The following EMP2 variants were observed in gnomAD, a reference collection of about 807,000 sequenced individuals.
EMP2 encodes epithelial membrane protein 2.
In EMP2, 19 loss-of-function variants were observed where a neutral mutation model predicts 13.7. That is an observed-to-expected ratio of 1.38 (90% confidence interval 0.97 to 2.03). The LOEUF is 2.03. Ranked by LOEUF, EMP2 falls within the 30% of genes most tolerant of loss-of-function variation. The pLI, the probability that EMP2 is intolerant of heterozygous loss-of-function variation, is 0.00. For missense variants in EMP2, 253 were observed against 220.7 expected, an observed-to-expected ratio of 1.15 and a Z score of -0.93; for synonymous variants, 97 against 84.7, an observed-to-expected ratio of 1.15 and a Z score of -0.80.
intron 1 of EMP2, among the ~76,000 whole-genome samples, chr16:10,552,667 G>A (rs1174146783): frequency 2.6e-5 from 4 of 152,150 alleles, no homozygotes; most frequent in South Asian, 2.1e-4. Flanking sequence ...GAAACACCAC[G>A]TATAGCAGTG....
chr16:10,553,549 G>A (rs897419491), intron 1 of EMP2, among the ~76,000 whole-genome samples: 1 of 151,922 alleles, frequency 6.6e-6, no homozygotes, highest in Non-Finnish European at 1.5e-5. Flanking sequence ...TTGGCTGGAG[G>A]GGCCGAAGGC....
Position 10,529,239 on chromosome 16 carries a change from A to G in EMP2, c.*3666T>C, listed in dbSNP as rs374863304. On this transcript the variant is annotated 3_prime_UTR_variant, in exon 5 of 5. Coordinates refer to ENST00000359543, the MANE Select transcript of EMP2 (RefSeq NM_001424.6). ...AGTTGATGCTATCTTTGGTCCTAATATGTGCTTCTTGGATGTCTACTAATT... is the reference window on the plus strand; with the variant it reads ...AGTTGATGCTATCTTTGGTCCTAATGTGTGCTTCTTGGATGTCTACTAATT... 6.6e-6 allele frequency: 1 copy of G among 152,214 alleles called. No homozygotes were observed. The highest frequency in any genetic ancestry group is 1.9e-4 in the East Asian group (1 of 5,200). 9.4% of individuals were successfully genotyped at this position (152,214 alleles called of 1,614,324 possible).
rs975379932 is a variant in EMP2 at position 10,530,648 on chromosome 16, C to T, written c.*2257G>A. 6.6e-6 allele frequency: 1 copy of T among 152,642 alleles called. No homozygotes were observed. The highest frequency in any genetic ancestry group is 1.5e-5 in the Non-Finnish European group (1 of 68,132). 9.5% of individuals were successfully genotyped at this position (152,642 alleles called of 1,614,324 possible). On this transcript the variant is annotated 3_prime_UTR_variant, in exon 5 of 5. Transcript: ENST00000359543. Reference sequence around the variant, plus strand: ...CCTGAAGGACAAGGCCCCAAAAGCCCTATTTCTCAGCACAGTCTTAAAATC... The same window carrying T: ...CCTGAAGGACAAGGCCCCAAAAGCCTTATTTCTCAGCACAGTCTTAAAATC...
At chr16:10,545,790 A>G (rs2050734354) in intron 2 of EMP2, 1 of 148,194 alleles carries the variant, frequency 6.7e-6, no homozygotes, top group Non-Finnish European at 1.5e-5. Context: ...CCCCCTCCCC[A>G]GTCTGTAGAA....
intron 3 of EMP2, among the ~76,000 whole-genome samples, chr16:10,538,346 G>C (rs1279643014): frequency 6.6e-6 from 1 of 152,178 alleles, no homozygotes; most frequent in Non-Finnish European, 1.5e-5. Context: ...TTCCTGGTCT[G>C]GGTCACAGAC....
intron 1 of EMP2, among the ~76,000 whole-genome samples, chr16:10,549,885 T>TTTTTTTTTTTTTTTTTTTTTTTC: frequency 1.0e-5 from 1 of 99,622 alleles, no homozygotes; most frequent in Non-Finnish European, 1.8e-5. Flanking sequence ...TTCTTTTTCT[T>TTTTTTTTTTTTTTTTTTTTTTTC]TTTTTTTTTT....
chr16:10,547,429 A>T, intron 2 of EMP2, 111 bp downstream of exon 2: 1 of 1,147,250 alleles, frequency 8.7e-7, no homozygotes, highest in Non-Finnish European at 1.2e-6. Flanking sequence ...CTTATAAATT[A>T]CCTAGTCTCT....
chr16:10,551,551 C>G (rs1280127053), intron 1 of EMP2, among the ~76,000 whole-genome samples: 3 of 152,174 alleles, frequency 2.0e-5, no homozygotes, highest in Non-Finnish European at 2.9e-5. Flanking sequence ...GGACTACAGG[C>G]ACGTGCTACT....
Position 10,560,511 on chromosome 16 carries a change from G to T in EMP2, c.-60-12834C>A, listed in dbSNP as rs1055105519. ...CCAGGCTTCCGATCACTGTCCCCTT[G>T]CCCGTTCTTTAAAAATGAAGCAGTT... On this transcript the variant is annotated intron_variant, in intron 1 of 4. Transcript: ENST00000359543. 2.0e-5 allele frequency among the ~76,000 whole-genome samples: 3 copies of T among 152,204 alleles called. No homozygotes were observed. In the East Asian group the frequency reaches 5.8e-4, roughly 29 times the overall value.
At chr16:10,558,218 A>G (rs2050846544) in intron 1 of EMP2, among the ~76,000 whole-genome samples, 1 of 151,848 alleles carries the variant, frequency 6.6e-6, no homozygotes, top group Non-Finnish European at 1.5e-5. Flanking sequence ...GAAGAAATGG[A>G]GTCTTGCTGT....
intron 1 of EMP2, among the ~76,000 whole-genome samples, chr16:10,568,237 A>G (rs1398061786): frequency 6.6e-6 from 1 of 152,244 alleles, no homozygotes; most frequent in Non-Finnish European, 1.5e-5. Flanking sequence ...TGATTCCAAT[A>G]AACAGCAAGG....
chr16:10,560,326 C>T (rs2050862425), intron 1 of EMP2, among the ~76,000 whole-genome samples: 1 of 152,216 alleles, frequency 6.6e-6, no homozygotes, highest in African/African-American at 2.4e-5. Context: ...AGGCTCACAG[C>T]TCTTCCCACC....
rs923078958 is a variant in EMP2, at chr16:10,529,169, T to C, written c.*3736A>G. 1 of 152,216 alleles carries C rather than the reference T, an allele frequency of 6.6e-6. No homozygotes were observed. Among genetic ancestry groups the C allele is most frequent in the African/African-American group, 2.4e-5 (1 of 41,464 alleles). The allele number at this position is 152,216 out of a possible 1,614,324, so 9.4% of individuals were successfully genotyped here. ...CCTCAATGAAAGAATTACAGTACTTTATAAAAATGTCATAAAATGCGCAAA... is the reference window on the plus strand; with the variant it reads ...CCTCAATGAAAGAATTACAGTACTTCATAAAAATGTCATAAAATGCGCAAA... On this transcript the variant is annotated 3_prime_UTR_variant, in exon 5 of 5. Transcript: ENST00000359543.
intron 4 of EMP2, among the ~76,000 whole-genome samples, chr16:10,535,535 A>C (rs1244092978): frequency 6.6e-6 from 1 of 152,112 alleles, no homozygotes; most frequent in African/African-American, 2.4e-5. Flanking sequence ...CCTGCACAAC[A>C]TAGTGAAACC....
intron 1 of EMP2, among the ~76,000 whole-genome samples, chr16:10,556,864 C>G (rs2050832350): frequency 6.6e-6 from 1 of 152,224 alleles, no homozygotes; most frequent in African/African-American, 2.4e-5. Context: ...TTTCCTCTCA[C>G]ATGCTTAGGG....
intron 1 of EMP2, among the ~76,000 whole-genome samples, chr16:10,566,031 C>T (rs2050904941): frequency 6.6e-6 from 1 of 152,184 alleles, no homozygotes; most frequent in African/African-American, 2.4e-5. Flanking sequence ...AACACACCAC[C>T]CCCAGCCTCT....
chr16:10,571,380 A>C (rs2050946366), intron 1 of EMP2, among the ~76,000 whole-genome samples: 1 of 151,278 alleles, frequency 6.6e-6, no homozygotes, highest in Admixed American at 6.6e-5. Context: ...ACGTCTCACC[A>C]CCAACCACAC....
chr16:10,539,685 G>GC (rs2050679249), intron 3 of EMP2, among the ~76,000 whole-genome samples: 1 of 152,040 alleles, frequency 6.6e-6, no homozygotes. Context: ...TAAGAAGCCT[G>GC]CGTTTCCTTG....
At chr16:10,553,682 C>T (rs1221743249) in intron 1 of EMP2, among the ~76,000 whole-genome samples, 4 of 152,242 alleles carry the variant, frequency 2.6e-5, no homozygotes, top group African/African-American at 9.6e-5. Flanking sequence ...TTCCCTGTGC[C>T]TACGAATCCA....
Sources: gnomAD v4.1 joint callset for allele counts (sites outside exome capture counted in the v4.1 genomes callset) on GRCh38, gnomAD v4.1.1 for gene constraint, MANE v1.5 for transcripts, NCBI Gene and HGNC (gene_info 2026-07-23, HGNC 2026-07-21) for gene names.